The following ANKRD31 variants were observed in gnomAD, a reference collection of about 807,000 sequenced individuals.
ANKRD31 encodes the protein ankyrin repeat domain-containing protein 31.
ANKRD31 carries 147 observed loss-of-function variants against 186.0 expected under a neutral mutation model. That is an observed-to-expected ratio of 0.79 (90% confidence interval 0.69 to 0.91). ANKRD31 has a LOEUF of 0.91. Among genes scored for constraint, ANKRD31 ranks in the 40% least tolerant of loss-of-function variants. ANKRD31 has a pLI of 0.00. For missense variants in ANKRD31, 1,986 were observed against 2,148.8 expected (o/e 0.92, Z 1.50); for synonymous variants, 673 against 736.4 (o/e 0.91, Z 1.39).
At chr5:75,078,361 C>A (rs1009256068) in intron 25 of ANKRD31, among the ~76,000 whole-genome samples, 1 of 152,150 alleles carries the variant, frequency 6.6e-6, no homozygotes, top group East Asian at 1.9e-4. Flanking sequence ...TCATTAAAGT[C>A]ATTTATTTAC....
chr5:75,147,473 C>A lies in ANKRD31; in HGVS notation c.1938G>T (p.Trp646Cys), dbSNP rs1222767716. 6.8e-7 allele frequency: 1 copy of A among 1,470,182 alleles called. No homozygotes were observed. Among genetic ancestry groups the A allele is most frequent in the East Asian group, 2.5e-5 (1 of 40,352 alleles). The allele number at this position is 1,470,182 out of a possible 1,614,324, so 91.1% of individuals were successfully genotyped here. A position where few individuals can be genotyped will look rare whatever the true frequency, so the allele number is the denominator to read the frequency against. Reference sequence around the variant, plus strand: ...TGTTGGAATTTTCATTATAAACATGCCAAATGTGACTTTTAGAACTGAACT... The same window carrying A: ...TGTTGGAATTTTCATTATAAACATGACAAATGTGACTTTTAGAACTGAACT... ...KPKFSSKSHI[W>C]HVYNENSNRQ... is the part of the protein sequence containing the mutation. Residue 646 changes from tryptophan to cysteine, a missense_variant, in exon 14 of 26, where the codon TGG (tryptophan) becomes TGT (cysteine). Transcript: ENST00000506364.
chr5:75,175,000 T>C (rs201306133), intron 10 of ANKRD31, among the ~76,000 whole-genome samples: 34 of 152,154 alleles, frequency 2.2e-4, no homozygotes, highest in Middle Eastern at 3.4e-3. Flanking sequence ...CAGTGATAGA[T>C]TGGATTAAGA....
At chr5:75,111,889 G>C (rs1747817256) in intron 20 of ANKRD31, among the ~76,000 whole-genome samples, 1 of 152,132 alleles carries the variant, frequency 6.6e-6, no homozygotes. Flanking sequence ...CTTACCTTGT[G>C]TCACTGCTGC....
intron 10 of ANKRD31, among the ~76,000 whole-genome samples, chr5:75,175,810 T>C (rs75825206): frequency 6.6e-6 from 1 of 152,084 alleles, no homozygotes; most frequent in Non-Finnish European, 1.5e-5. Context: ...GCGTGAGCGA[T>C]GCAGAAGACG....
rs901855346 is a variant in ANKRD31 at position 75,147,120 on chromosome 5, G to A, written c.2291C>T (p.Thr764Ile). The change falls in exon 14 of 26, where the codon ACC (threonine) becomes ATC (isoleucine). Residue 764 changes from threonine (T) to isoleucine (I), a missense_variant. By Grantham distance (89) the Thr-to-Ile change is moderately conservative. Transcript: ENST00000506364. ...SPSRRINRLVTYQQHIPETHN... is the reference protein window; with the variant it reads ...SPSRRINRLVIYQQHIPETHN... ...AGTTTCTGGAATATGCTGCTGATAG[G>A]TAACCAATCTGTTTATTCTCCTGGA... The A allele has an allele frequency of 1.3e-6, 2 of 1,536,164 alleles. No homozygotes were observed. The highest frequency in any genetic ancestry group is 1.7e-6 in the Non-Finnish European group (2 of 1,146,320).
chr5:75,113,614 C>A (rs1209776457), intron 19 of ANKRD31, among the ~76,000 whole-genome samples: 2 of 152,102 alleles, frequency 1.3e-5, no homozygotes, highest in Admixed American at 1.3e-4. Context: ...CATACACATT[C>A]ATTTCTAAAA....
At chr5:75,166,027 T>C (rs1156687849) in intron 11 of ANKRD31, among the ~76,000 whole-genome samples, 2 of 152,236 alleles carry the variant, frequency 1.3e-5, no homozygotes, top group Non-Finnish European at 2.9e-5. Flanking sequence ...TCTTATCTTT[T>C]AGAGGTTTGG....
chr5:75,122,479 G>A (rs1600075), intron 17 of ANKRD31, among the ~76,000 whole-genome samples: 76,589 of 151,184 alleles, frequency 0.51, 22,302 homozygotes, highest in African/African-American at 0.82. Flanking sequence ...CAAACAAACA[G>A]AAAAAAAACT....
intron 20 of ANKRD31, among the ~76,000 whole-genome samples, chr5:75,111,799 A>G (rs947178119): frequency 6.6e-6 from 1 of 152,198 alleles, no homozygotes; most frequent in African/African-American, 2.4e-5. Flanking sequence ...TTGAATCTTC[A>G]GTGTTTTGAA....
chr5:75,180,274 G>C (rs1205204017), intron 10 of ANKRD31, among the ~76,000 whole-genome samples: 3 of 152,170 alleles, frequency 2.0e-5, no homozygotes. Flanking sequence ...CTCATGGGTA[G>C]GAAGAATCAA....
chr5:75,159,684 G>A (rs1429312075), intron 11 of ANKRD31, among the ~76,000 whole-genome samples: 1 of 148,738 alleles, frequency 6.7e-6, no homozygotes, highest in Non-Finnish European at 1.5e-5. Context: ...AAAAAAAGCT[G>A]ATAGAATTTA....
intron 22 of ANKRD31, among the ~76,000 whole-genome samples, chr5:75,092,669 T>C (rs1316272735): frequency 6.6e-6 from 1 of 152,014 alleles, no homozygotes; most frequent in Non-Finnish European, 1.5e-5. Flanking sequence ...TTGTCTAAAA[T>C]GTCCAGTTCC....
intron 22 of ANKRD31, among the ~76,000 whole-genome samples, chr5:75,092,101 G>T (rs1334224180): frequency 7.2e-5 from 11 of 152,198 alleles, no homozygotes; most frequent in Non-Finnish European, 1.0e-4. Context: ...CCTGAGAAGA[G>T]AAGCAAGGCT....
At chr5:75,121,478 A>T (rs1386890140) in intron 17 of ANKRD31, among the ~76,000 whole-genome samples, 2 of 152,180 alleles carry the variant, frequency 1.3e-5, no homozygotes, top group Non-Finnish European at 2.9e-5. Flanking sequence ...CACTTACAGA[A>T]CATTCTATCC....
intron 9 of ANKRD31, among the ~76,000 whole-genome samples, chr5:75,192,297 T>C (rs1561522967): frequency 6.6e-6 from 1 of 152,204 alleles, no homozygotes; most frequent in East Asian, 1.9e-4. Context: ...TTTTGGATGT[T>C]ATAGGAACAC....
intron 5 of ANKRD31, among the ~76,000 whole-genome samples, chr5:75,204,487 C>A (rs532642909): frequency 6.6e-6 from 1 of 152,282 alleles, no homozygotes; most frequent in East Asian, 1.9e-4. Context: ...GTTGGTGTTA[C>A]AAAAGCTTTT....
chr5:75,168,153 A>G (rs1212228194), intron 11 of ANKRD31, among the ~76,000 whole-genome samples: 1 of 152,218 alleles, frequency 6.6e-6, no homozygotes, highest in Non-Finnish European at 1.5e-5. Context: ...ACTGTTTCAT[A>G]CTATGAAGGA....
At chr5:75,231,547 A>G (rs1757951060) in intron 1 of ANKRD31, among the ~76,000 whole-genome samples, 1 of 152,194 alleles carries the variant, frequency 6.6e-6, no homozygotes, top group Non-Finnish European at 1.5e-5. Context: ...GGCAAACTAA[A>G]ATATTTATCT....
At chr5:75,094,271 T>A (rs1746146712) in intron 22 of ANKRD31, among the ~76,000 whole-genome samples, 2 of 152,188 alleles carry the variant, frequency 1.3e-5, no homozygotes, top group African/African-American at 2.4e-5. Context: ...AAATATGTAT[T>A]GCTTTCCTTT....
Sources: gnomAD v4.1 joint callset for allele counts (sites outside exome capture counted in the v4.1 genomes callset) on GRCh38, gnomAD v4.1.1 for gene constraint, MANE v1.5 for transcripts, NCBI Gene and HGNC (gene_info 2026-07-23, HGNC 2026-07-21) for gene names.